The following FAM114A1 variants were observed in gnomAD, a reference collection of about 807,000 sequenced individuals.
FAM114A1 encodes the protein family with sequence similarity 114 member A1.
In FAM114A1, 62 loss-of-function variants were observed where a neutral mutation model predicts 64.3. The observed-to-expected ratio is 0.96, with a 90% CI of 0.79 to 1.19. The LOEUF (loss-of-function observed/expected upper bound fraction) is 1.19, where lower values mean the gene tolerates loss of function less well. FAM114A1 is among the 50% of genes most tolerant of loss of function. The pLI is 0.00. For missense variants in FAM114A1, 645 were observed against 676.3 expected (o/e 0.95, Z 0.51); for synonymous variants, 254 against 251.1 (o/e 1.01, Z -0.11).
rs988657852 is a variant in FAM114A1, at chr4:38,868,467, C to T, written c.-88C>T. The T allele has an allele frequency of 6.5e-6, 1 of 152,706 alleles. No individual in the cohort carries two copies. Among genetic ancestry groups the T allele is most frequent in the South Asian group, 2.1e-4 (1 of 4,876 alleles). The allele number at this position is 152,706 out of a possible 1,614,324, so 9.5% of individuals were successfully genotyped here. A position where few individuals can be genotyped will look rare whatever the true frequency, so the allele number is the denominator to read the frequency against. The stretch of plus-strand genomic sequence containing the variant: ...AGCAGGCACCGCCTCCACTCGCAGC[C>T]CCCGGGATGGGTCCCACTCCCTACC... On this transcript the variant is annotated 5_prime_UTR_variant, in exon 2 of 15. Coordinates refer to ENST00000358869, the MANE Select transcript of FAM114A1 (RefSeq NM_138389.4).
chr4:38,943,716 G>C lies in FAM114A1; in HGVS notation c.*159G>C. On this transcript the variant is annotated 3_prime_UTR_variant, in exon 15 of 15. Transcript: ENST00000358869. The stretch of plus-strand genomic sequence containing the variant: ...AATATTGAGAATGCAAATTTAGAGA[G>C]AGTTATCATTTCTCTCAATGTGTAT... 1.9e-6 allele frequency: 1 copy of C among 527,362 alleles called. No individual in the cohort carries two copies. Among genetic ancestry groups the C allele is most frequent in the East Asian group, 2.9e-5 (1 of 34,360 alleles). 32.7% of individuals were successfully genotyped at this position (527,362 alleles called of 1,614,324 possible).
At chr4:38,932,428 A>G in intron 12 of FAM114A1, 54 bp downstream of exon 12, 2 of 1,501,780 alleles carry the variant, frequency 1.3e-6, no homozygotes, top group South Asian at 1.3e-5. Flanking sequence ...TATAGGTACC[A>G]TTCAGATACA....
At chr4:38,888,645 T>C (rs1388988985) in intron 3 of FAM114A1, among the ~76,000 whole-genome samples, 1 of 152,242 alleles carries the variant, frequency 6.6e-6, no homozygotes, top group African/African-American at 2.4e-5. Flanking sequence ...TTAAGCCAAA[T>C]CTAATTTGCT....
intron 4 of FAM114A1, among the ~76,000 whole-genome samples, chr4:38,902,862 C>G (rs1471466008): frequency 1.3e-5 from 2 of 152,046 alleles, no homozygotes; most frequent in Non-Finnish European, 2.9e-5. Flanking sequence ...GCAACAGTGA[C>G]TTCATATTAT....
chr4:38,897,487 C>T (rs116059391), intron 4 of FAM114A1, among the ~76,000 whole-genome samples: 4,178 of 152,230 alleles, frequency 0.027, 162 homozygotes, highest in Admixed American at 0.092. Context: ...AATGCTTATA[C>T]AAAATCAAAC....
At chr4:38,883,228 C>T (rs1323357843) in intron 3 of FAM114A1, among the ~76,000 whole-genome samples, 1 of 152,086 alleles carries the variant, frequency 6.6e-6, no homozygotes, top group African/African-American at 2.4e-5. Flanking sequence ...TGTATGAGAG[C>T]AATGATTACA....
chr4:38,923,443 G>A (rs1030293117), intron 9 of FAM114A1, among the ~76,000 whole-genome samples: 4 of 151,834 alleles, frequency 2.6e-5, no homozygotes, highest in Admixed American at 2.0e-4. Context: ...GGATGGTCTC[G>A]ATCTCTTGAC....
At chr4:38,915,366 G>A (rs1023743789) in intron 8 of FAM114A1, among the ~76,000 whole-genome samples, 1 of 152,170 alleles carries the variant, frequency 6.6e-6, no homozygotes, top group Admixed American at 6.5e-5. Context: ...CTGTCCAGCT[G>A]CTGGCCCTCT....
At chr4:38,909,387 T>C (rs1194724401) in intron 7 of FAM114A1, among the ~76,000 whole-genome samples, 1 of 152,232 alleles carries the variant, frequency 6.6e-6, no homozygotes, top group Non-Finnish European at 1.5e-5. Context: ...GGTATCTCAT[T>C]GGAATTTTAA....
At chr4:38,870,913 A>G (rs1460810849) in intron 2 of FAM114A1, among the ~76,000 whole-genome samples, 1 of 152,150 alleles carries the variant, frequency 6.6e-6, no homozygotes, top group Non-Finnish European at 1.5e-5. Context: ...CCATCATGAT[A>G]GCATCCACAG....
intron 8 of FAM114A1, among the ~76,000 whole-genome samples, chr4:38,915,902 G>A (rs1719009234): frequency 6.6e-6 from 1 of 152,094 alleles, no homozygotes; most frequent in African/African-American, 2.4e-5. Context: ...ATGTCAGGCT[G>A]ACTGTGCTCC....
At chr4:38,904,702 T>G (rs541674111) in intron 4 of FAM114A1, among the ~76,000 whole-genome samples, 60 of 152,348 alleles carry the variant, frequency 3.9e-4, no homozygotes, top group Non-Finnish European at 6.6e-4. Flanking sequence ...TAAAGAAACA[T>G]TCTGAGGCTC....
rs145687321 is a variant in FAM114A1 at position 38,902,154 on chromosome 4, C to T, written c.437-3368C>T. ...GAATCCTGCCTTTGTCACTGATTGG[C>T]TTTAGGACCTTGGGAAAGTGATTTC... On this transcript the variant is annotated intron_variant, in intron 4 of 14. Coordinates refer to ENST00000358869, the MANE Select transcript of FAM114A1 (RefSeq NM_138389.4). Among the ~76,000 whole-genome samples, 282 of 152,272 alleles carry T rather than the reference C, an allele frequency of 1.9e-3. 3 individuals carry two copies. Among genetic ancestry groups the T allele is most frequent in the African/African-American group, 6.5e-3 (272 of 41,550 alleles).
intron 3 of FAM114A1, among the ~76,000 whole-genome samples, chr4:38,886,693 C>T (rs868376858): frequency 2.2e-4 from 34 of 151,280 alleles, no homozygotes; most frequent in Middle Eastern, 6.8e-3. Context: ...TTTGGGAGGC[C>T]GAGGCGGGCA....
intron 4 of FAM114A1, among the ~76,000 whole-genome samples, chr4:38,901,489 A>C (rs1320845773): frequency 6.6e-6 from 1 of 152,084 alleles, no homozygotes; most frequent in Non-Finnish European, 1.5e-5. Flanking sequence ...GTGGGGTTTC[A>C]CCATGTTGGC....
chr4:38,886,927 CAAAA>C (rs570020908), intron 3 of FAM114A1, among the ~76,000 whole-genome samples: 2 of 58,902 alleles, frequency 3.4e-5, no homozygotes, highest in African/African-American at 5.5e-5. Flanking sequence ...GACTCCGTCT[CAAAA>C]AAAAAAAAAA....
intron 3 of FAM114A1, among the ~76,000 whole-genome samples, chr4:38,882,260 C>A (rs1439458307): frequency 2.4e-5 from 3 of 123,842 alleles, no homozygotes; most frequent in South Asian, 2.5e-4. Flanking sequence ...TGCAGTGAGC[C>A]GAGATTGCAC....
Position 38,931,483 on chromosome 4 carries a change from G to A in FAM114A1, c.1194G>A (p.Glu398=), listed in dbSNP as rs145471957. ...AGAGGGCTCATGACTGGGTGGAAGAGGATCAAACCGTGGTGTCAGTAGATG... is the reference window on the plus strand; with the variant it reads ...AGAGGGCTCATGACTGGGTGGAAGAAGATCAAACCGTGGTGTCAGTAGATG... ...AMKRAHDWVE[E]DQTVVSVDVA... The change falls in exon 11 of 15, where the codon GAG becomes GAA. Residue 398 remains glutamate (E), a synonymous_variant. Coordinates refer to ENST00000358869, the MANE Select transcript of FAM114A1 (RefSeq NM_138389.4). The A allele has an allele frequency of 5.0e-6, 8 of 1,613,878 alleles. No individual in the cohort carries two copies. Among genetic ancestry groups the A allele is most frequent in the Non-Finnish European group, 6.8e-6 (8 of 1,179,998 alleles).
intron 9 of FAM114A1, among the ~76,000 whole-genome samples, chr4:38,923,484 G>T (rs973678150): frequency 6.6e-6 from 1 of 152,044 alleles, no homozygotes; most frequent in Non-Finnish European, 1.5e-5. Flanking sequence ...GCCTCCCAAA[G>T]TGCTGGGATT....
Sources: allele counts gnomAD v4.1 joint callset (sites outside exome capture counted in the v4.1 genomes callset), GRCh38; gene constraint gnomAD v4.1.1; transcripts MANE v1.5; gene names NCBI Gene and HGNC (gene_info 2026-07-23, HGNC 2026-07-21).